CLSPN: variants seen among roughly 807,000 people sequenced by gnomAD.
CLSPN encodes the protein claspin homolog.
Under a neutral mutation model 156.3 loss-of-function variants are expected in CLSPN, and 85 were observed. That is an observed-to-expected ratio of 0.54 (90% CI 0.46 to 0.65). The LOEUF (loss-of-function observed/expected upper bound fraction) is 0.65. CLSPN is among the 30% of genes least tolerant of loss of function. The pLI is 0.00. For missense variants in CLSPN, 1,407 were observed against 1,554.9 expected (o/e 0.90, Z 1.60); for synonymous variants, 534 against 542.4 (o/e 0.98, Z 0.22).
chr1:35,757,441 G>A (rs1399495314), intron 8 of CLSPN, among the ~76,000 whole-genome samples: 1 of 152,168 alleles, frequency 6.6e-6, no homozygotes, highest in African/African-American at 2.4e-5. Flanking sequence ...AGGAAAACAT[G>A]TTCCAAGTTA....
At chr1:35,758,912 G>A (rs1013187348) in intron 8 of CLSPN, among the ~76,000 whole-genome samples, 2 of 151,504 alleles carry the variant, frequency 1.3e-5, no homozygotes, top group Non-Finnish European at 2.9e-5. Context: ...GGAACTACAG[G>A]TGTGCACCAC....
intron 2 of CLSPN, 112 bp from the exon 3 acceptor site, chr1:35,764,826 G>A (rs1162082607): frequency 1.5e-5 from 10 of 658,860 alleles, no homozygotes; most frequent in South Asian, 2.5e-5. Flanking sequence ...GTGAAATTAC[G>A]TGACTACTGT....
At chr1:35,763,445 A>C in intron 3 of CLSPN, 124 bp from the exon 4 acceptor site, 1 of 609,106 alleles carries the variant, frequency 1.6e-6, no homozygotes, top group South Asian at 3.3e-5. Flanking sequence ...AAGCATATAA[A>C]ATCTAGAACA....
Position 35,746,567 on chromosome 1 carries a change from T to A in CLSPN, c.2854+199A>T, listed in dbSNP as rs1440914426. The stretch of plus-strand genomic sequence containing the variant: ...GTGCCACCATGCCTGGCTAATTTTT[T>A]TTTTTTTTTTCGTAGAGATGGGGAT... On this transcript the variant is annotated intron_variant, in intron 15 of 24. Transcript: ENST00000318121. This position sits in a 1 kb window ranked among gnomAD's most constrained non-coding sequence, Gnocchi z 4.2. 6.6e-6 allele frequency among the ~76,000 whole-genome samples: 1 copy of A among 151,542 alleles called. No individual in the cohort carries two copies. The highest frequency in any genetic ancestry group is 6.6e-5 in the Admixed American group (1 of 15,208).
In CLSPN at chr1:35,732,518, T is replaced by C. The variant is rs905081031; in HGVS notation, c.*3978A>G. The C allele has an allele frequency of 4.1e-6, 4 of 985,328 alleles. No individual in the cohort carries two copies. Among genetic ancestry groups the C allele is most frequent in the Non-Finnish European group, 4.8e-6 (4 of 829,942 alleles). 61.0% of individuals were successfully genotyped at this position (985,328 alleles called of 1,614,324 possible). On this transcript the variant is annotated 3_prime_UTR_variant, in exon 25 of 25. Coordinates refer to ENST00000318121, the MANE Select transcript of CLSPN (RefSeq NM_022111.4). ...ATGGTTTATGGAAGAGACCCTAGTA[T>C]GGCTGTGCAACTGTGAATTAATGAG...
chr1:35,721,473 C>T (rs1233897567), intron 24 of CLSPN, among the ~76,000 whole-genome samples: 1 of 152,122 alleles, frequency 6.6e-6, no homozygotes, highest in African/African-American at 2.4e-5. Flanking sequence ...CTGCAACCTC[C>T]GCCTCCCAGG....
At chr1:35,726,604 C>T (rs192765198) in intron 24 of CLSPN, among the ~76,000 whole-genome samples, 61 of 152,274 alleles carry the variant, frequency 4.0e-4, no homozygotes, top group Admixed American at 3.7e-3. Flanking sequence ...ATAAATAAAA[C>T]TGAAAATCAA....
intron 8 of CLSPN, among the ~76,000 whole-genome samples, chr1:35,754,529 T>C (rs1642207627): frequency 6.6e-6 from 1 of 152,154 alleles, no homozygotes; most frequent in Admixed American, 6.5e-5. Context: ...GTATTTTTAG[T>C]AGAGACAGGG....
chr1:35,734,730 A>G lies in CLSPN; in HGVS notation c.*1766T>C, dbSNP rs1231801353. The G allele has an allele frequency of 5.1e-6, 5 of 978,588 alleles. No individual in the cohort carries two copies. The highest frequency in any genetic ancestry group is 6.1e-6 in the Non-Finnish European group (5 of 823,852). The allele number at this position is 978,588 out of a possible 1,614,324, so 60.6% of individuals were successfully genotyped here. On this transcript the variant is annotated 3_prime_UTR_variant, in exon 25 of 25. Transcript: ENST00000318121. ...AGAAAAAGAAAAAGAAAAGAAAAGA[A>G]AAACTGTAAAAAACCTACAACCTAA...
Position 35,738,113 on chromosome 1 carries a change from A to AAAT in CLSPN, c.3559-17_3559-16insATT, listed in dbSNP as rs1376351973. ...CCTGCTGTGCCTGAAAAAAAAAAAA[A>AAAT]ATATATATATATATATATATATATA... On this transcript the variant is annotated splice_polypyrimidine_tract_variant and intron_variant, in intron 21 of 24. Coordinates refer to ENST00000318121, the MANE Select transcript of CLSPN (RefSeq NM_022111.4). The AAAT allele has an allele frequency of 2.8e-6, 1 of 362,626 alleles. No homozygotes were observed. The highest frequency in any genetic ancestry group is 3.7e-6 in the Non-Finnish European group (1 of 271,580). The allele number at this position is 362,626 out of a possible 1,614,324, so 22.5% of individuals were successfully genotyped here.
chr1:35,769,777 C>T (rs1026705408), intron 1 of CLSPN, 70 bp downstream of exon 1: 100 of 1,479,364 alleles, frequency 6.8e-5, no homozygotes, highest in Non-Finnish European at 9.0e-5. Context: ...GCGGGGTCTA[C>T]CCCGGCCCCA....
rs567610707 is a variant in CLSPN, at chr1:35,765,083, C to T, written c.133+135G>A. Reference sequence around the variant, plus strand: ...AAAAGGTACAAGCACTGTTATTTTGCTTTTATAATAAAACAAACAATAAGG... The same window carrying T: ...AAAAGGTACAAGCACTGTTATTTTGTTTTTATAATAAAACAAACAATAAGG... On this transcript the variant is annotated intron_variant, in intron 2 of 24. Transcript: ENST00000318121. 2.7e-5 allele frequency: 17 copies of T among 624,154 alleles called. No individual in the cohort carries two copies. The South Asian group carries it at 3.4e-4, about 12-fold the overall frequency. 38.7% of individuals were successfully genotyped at this position (624,154 alleles called of 1,614,324 possible).
chr1:35,747,146 C>A (rs1187283542), intron 14 of CLSPN, among the ~76,000 whole-genome samples, 154 bp from the exon 15 acceptor site: 3 of 152,068 alleles, frequency 2.0e-5, no homozygotes, highest in Non-Finnish European at 2.9e-5. Context: ...CATGGTGAAA[C>A]CCCGTCTCTA....
intron 18 of CLSPN, among the ~76,000 whole-genome samples, chr1:35,741,431 C>T (rs1295346063): frequency 6.6e-6 from 1 of 152,138 alleles, no homozygotes; most frequent in Admixed American, 6.5e-5. Flanking sequence ...GATTCTCCAG[C>T]TTTGCCTCCT....
rs571642473 is a variant in CLSPN at position 35,723,823 on chromosome 1, T to G, written c.3910-2843A>C. Among the ~76,000 whole-genome samples the G allele has an allele frequency of 6.9e-4, 105 of 152,290 alleles. 2 individuals are homozygous for G. In the South Asian group the frequency reaches 0.021, roughly 30 times the overall value. Reference sequence around the variant, plus strand: ...CTGATCAACATGGTGAAACCCCGTCTCTACTAAAAATACAAAAATTAGCCG... The same window carrying G: ...CTGATCAACATGGTGAAACCCCGTCGCTACTAAAAATACAAAAATTAGCCG... On this transcript the variant is annotated intron_variant, in intron 24 of 24. Transcript: ENST00000251195.
Position 35,745,630 on chromosome 1 carries a change from T to C in CLSPN, c.2855-68A>G, listed in dbSNP as rs145683409. 2,332 of 1,121,096 alleles carry C rather than the reference T, an allele frequency of 2.1e-3. 31 individuals are homozygous for C. In the African/African-American group the frequency reaches 0.025, roughly 12 times the overall value. 69.4% of individuals were successfully genotyped at this position (1,121,096 alleles called of 1,614,324 possible). ...GCTTTATACTCTTTTCCCAGCCATC[T>C]AAAGTCATGCCAGCTCGATACAGTT... On this transcript the variant is annotated intron_variant, in intron 15 of 24. Transcript: ENST00000318121.
chr1:35,748,130 C>T (rs1268509443), intron 13 of CLSPN, 69 bp from the exon 14 acceptor site: 9 of 1,535,082 alleles, frequency 5.9e-6, no homozygotes, highest in East Asian at 4.5e-5. Flanking sequence ...ATGACAACCA[C>T]AAAAGTTGCT....
intron 8 of CLSPN, among the ~76,000 whole-genome samples, chr1:35,756,428 C>T (rs1167779180): frequency 6.6e-6 from 1 of 152,216 alleles, no homozygotes; most frequent in Non-Finnish European, 1.5e-5. Flanking sequence ...TCCCCCAACC[C>T]ATTGGAGCAA....
intron 8 of CLSPN, among the ~76,000 whole-genome samples, 189 bp from the exon 9 acceptor site, chr1:35,754,125 C>T (rs1642191273): frequency 6.6e-6 from 1 of 152,116 alleles, no homozygotes; most frequent in Non-Finnish European, 1.5e-5. Flanking sequence ...AATTGACTGC[C>T]ACAACTGTTC....
Sources: gnomAD v4.1 joint callset for allele counts (sites outside exome capture counted in the v4.1 genomes callset) on GRCh38, gnomAD v4.1.1 for gene constraint, Gnocchi (gnomAD v3.1) non-coding constraint, MANE v1.5 for transcripts, NCBI Gene and HGNC (gene_info 2026-07-23, HGNC 2026-07-21) for gene names.